The following SGCD variants were observed in gnomAD, a reference collection of about 807,000 sequenced individuals.
The protein encoded by SGCD is delta-sarcoglycan.
A neutral mutation model predicts 36.6 loss-of-function variants in SGCD; 18 were observed. That is an observed-to-expected ratio of 0.49 (90% confidence interval 0.34 to 0.73). The LOEUF is 0.73. Ranked by LOEUF, SGCD falls within the 30% of genes least tolerant of loss-of-function variation. The probability of loss-of-function intolerance (pLI) is 0.01; values close to 1 mark genes in which losing one functional copy is unlikely to be tolerated. For missense variants in SGCD, 387 were observed against 346.7 expected (o/e 1.12, Z -0.92); for synonymous variants, 133 against 130.6 (o/e 1.02, Z -0.12).
intron 1 of SGCD, among the ~76,000 whole-genome samples, chr5:156,099,127 T>G (rs1186866326): frequency 6.6e-6 from 1 of 152,216 alleles, no homozygotes; most frequent in Non-Finnish European, 1.5e-5. Context: ...ACAATACATC[T>G]GGTTGCTATG....
intron 3 of SGCD, among the ~76,000 whole-genome samples, chr5:156,483,388 G>C (rs1022821131): frequency 2.6e-5 from 4 of 152,184 alleles, no homozygotes; most frequent in African/African-American, 9.7e-5. Flanking sequence ...GACTGTGAGG[G>C]AGAAGGGAGT....
At chr5:156,321,871 T>C (rs747131929), upstream of SGCD, among the ~76,000 whole-genome samples, 4 of 152,170 alleles carry the variant, frequency 2.6e-5, no homozygotes, top group Non-Finnish European at 5.9e-5. Flanking sequence ...ACTTCTTGGC[T>C]TTACAGTTTT....
At chr5:156,297,755 T>C (rs868404130) in intron 3 of SGCD, among the ~76,000 whole-genome samples, 51 of 151,556 alleles carry the variant, frequency 3.4e-4, no homozygotes, top group African/African-American at 1.1e-3. Context: ...ACCTGCACAA[T>C]GTGCACATGT....
intron 6 of SGCD, among the ~76,000 whole-genome samples, chr5:156,598,237 T>A (rs1277040046): frequency 6.6e-6 from 1 of 152,180 alleles, no homozygotes; most frequent in Non-Finnish European, 1.5e-5. Flanking sequence ...GACTTCGAGC[T>A]ATCCTCATGT....
chr5:156,420,689 C>T (rs1374793774), intron 3 of SGCD, among the ~76,000 whole-genome samples: 1 of 152,124 alleles, frequency 6.6e-6, no homozygotes, highest in African/African-American at 2.4e-5. Flanking sequence ...GATATTTCCA[C>T]CATGGCTTTT....
At chr5:156,394,776 C>T (rs1394818777) in intron 3 of SGCD, among the ~76,000 whole-genome samples, 1 of 152,158 alleles carries the variant, frequency 6.6e-6, no homozygotes, top group Non-Finnish European at 1.5e-5. Flanking sequence ...TTTGTGCCTG[C>T]TGTGCTTTTA....
chr5:155,998,258 G>A (rs1758596397), intron 1 of SGCD, among the ~76,000 whole-genome samples: 1 of 152,062 alleles, frequency 6.6e-6, no homozygotes, highest in Non-Finnish European at 1.5e-5. Flanking sequence ...GGCAAATGTA[G>A]AATTCTAATG....
chr5:156,378,970 T>A (rs1447412243), intron 3 of SGCD, among the ~76,000 whole-genome samples: 2 of 152,226 alleles, frequency 1.3e-5, no homozygotes, highest in East Asian at 3.8e-4. Flanking sequence ...CATTCAGTCA[T>A]TGAATGTCTA....
the SGCD span, among the ~76,000 whole-genome samples, chr5:155,729,445 G>C: frequency 1.3e-5 from 2 of 152,242 alleles, no homozygotes; most frequent in African/African-American, 4.8e-5. Context: ...GACAGAGAAA[G>C]AGACAGAGAG....
the SGCD span, among the ~76,000 whole-genome samples, chr5:155,777,892 T>C: frequency 2.0e-5 from 3 of 152,186 alleles, no homozygotes; most frequent in African/African-American, 4.8e-5. Flanking sequence ...TTCACAACAC[T>C]GAAAGTTGTT....
intron 1 of SGCD, among the ~76,000 whole-genome samples, chr5:155,951,623 G>A (rs1434239573): frequency 6.6e-6 from 1 of 152,072 alleles, no homozygotes; most frequent in East Asian, 1.9e-4. Flanking sequence ...TTTATAATAT[G>A]TGCACTTTTC....
At chr5:155,763,458 A>G in the SGCD span, among the ~76,000 whole-genome samples, 1 of 152,182 alleles carries the variant, frequency 6.6e-6, no homozygotes, top group Non-Finnish European at 1.5e-5. Flanking sequence ...CTCCTTTACT[A>G]GTAGGGCATA....
intron 7 of SGCD, among the ~76,000 whole-genome samples, chr5:156,688,119 T>C (rs1174479126): frequency 1.3e-5 from 2 of 152,122 alleles, no homozygotes; most frequent in Admixed American, 6.6e-5. Context: ...TTAGGTAAAC[T>C]CGTGTCGCGG....
chr5:156,430,828 G>A (rs1268660345), intron 3 of SGCD, among the ~76,000 whole-genome samples: 1 of 152,144 alleles, frequency 6.6e-6, no homozygotes, highest in East Asian at 1.9e-4. Context: ...TGTTCTTGGG[G>A]TGTGGGAGAG....
intron 6 of SGCD, among the ~76,000 whole-genome samples, chr5:156,612,778 T>C (rs1761875347): frequency 6.6e-6 from 1 of 152,196 alleles, no homozygotes; most frequent in African/African-American, 2.4e-5. Context: ...ACTCTAGCAG[T>C]TGATCCATTG....
intron 1 of SGCD, among the ~76,000 whole-genome samples, chr5:155,877,516 G>A: frequency 6.6e-6 from 1 of 152,060 alleles, no homozygotes; most frequent in East Asian, 1.9e-4. Flanking sequence ...TCTGTACTTG[G>A]TAAGTTAAAG....
chr5:156,144,254 G>A (rs1020595976), intron 3 of SGCD, among the ~76,000 whole-genome samples: 12 of 152,048 alleles, frequency 7.9e-5, no homozygotes, highest in African/African-American at 2.7e-4. Flanking sequence ...TATATACCCA[G>A]TAATGGGATG....
intron 1 of SGCD, among the ~76,000 whole-genome samples, chr5:155,936,271 C>G (rs543936484): frequency 6.6e-6 from 1 of 152,288 alleles, no homozygotes; most frequent in East Asian, 1.9e-4. Flanking sequence ...GTTCTGCACC[C>G]AGGAAGAATG....
At chr5:156,578,465 A>G (rs1760082586) in intron 4 of SGCD, among the ~76,000 whole-genome samples, 2 of 152,054 alleles carry the variant, frequency 1.3e-5, no homozygotes, top group Non-Finnish European at 2.9e-5. Context: ...TTTTCTATTG[A>G]TTGGAATAGT....
Sources: allele counts gnomAD v4.1 joint callset (sites outside exome capture counted in the v4.1 genomes callset), GRCh38; gene constraint gnomAD v4.1.1; transcripts MANE v1.5; gene names NCBI Gene and HGNC (gene_info 2026-07-23, HGNC 2026-07-21).